The following PKNOX2 variants were observed in gnomAD, a reference collection of about 807,000 sequenced individuals.
The protein encoded by PKNOX2 is homeobox protein PKNOX2.
A neutral mutation model predicts 53.1 loss-of-function variants in PKNOX2; 14 were observed. The ratio of observed to expected loss-of-function variants is 0.26; its 90% CI spans 0.17 to 0.41. PKNOX2 has a LOEUF of 0.41. Among genes scored for constraint, PKNOX2 ranks in the 10% least tolerant of loss-of-function variants. The pLI, the probability that PKNOX2 is intolerant of heterozygous loss-of-function variation, is 1.00. For synonymous variants in PKNOX2, 257 were observed against 242.8 expected, an observed-to-expected ratio of 1.06 and a Z score of -0.54; for missense variants, 496 against 602.8, an observed-to-expected ratio of 0.82 and a Z score of 1.85.
At chr11:125,294,467 G>A (rs1423529721) in intron 2 of PKNOX2, among the ~76,000 whole-genome samples, 1 of 152,208 alleles carries the variant, frequency 6.6e-6, no homozygotes, top group Non-Finnish European at 1.5e-5. Flanking sequence ...CGGGCTTGGA[G>A]GAGAAAGGAG....
At chr11:125,212,930 A>G (rs1318080929) in intron 1 of PKNOX2, among the ~76,000 whole-genome samples, 1 of 151,808 alleles carries the variant, frequency 6.6e-6, no homozygotes, top group African/African-American at 2.4e-5. Context: ...TTCCATGTCT[A>G]CCCCATATGT....
At chr11:125,242,681 T>TGTGTGA (rs1304037373) in intron 2 of PKNOX2, among the ~76,000 whole-genome samples, 1 of 152,096 alleles carries the variant, frequency 6.6e-6, no homozygotes, top group African/African-American at 2.4e-5. Flanking sequence ...GGGCGGGTTG[T>TGTGTGA]GTGTGAGTGT....
chr11:125,350,692 A>G (rs1951251496), intron 3 of PKNOX2, among the ~76,000 whole-genome samples: 1 of 151,900 alleles, frequency 6.6e-6, no homozygotes. Context: ...CCAGGCAGCC[A>G]CCCTGGGGCT....
rs554931359 is a variant in PKNOX2 at position 125,426,636 on chromosome 11, TC to T, written c.937-2375del. On this transcript the variant is annotated intron_variant, in intron 10 of 12. Transcript: ENST00000298282. ...TGGTCAGCACGGCCACTAGCTCTGC[TC>T]AAGAAACAAGTCTGCGTCTCCTTAT... Among the ~76,000 whole-genome samples, 93 of 144,388 alleles carry T rather than the reference TC, an allele frequency of 6.4e-4. 3 individuals carry two copies. The highest frequency in any genetic ancestry group is 2.1e-3 in the African/African-American group (86 of 40,736). The allele number at this position is 144,388 out of a possible 152,430, so 94.7% of individuals were successfully genotyped here.
At chr11:125,405,711 C>G (rs1021141046) in intron 7 of PKNOX2, among the ~76,000 whole-genome samples, 3 of 152,182 alleles carry the variant, frequency 2.0e-5, no homozygotes, top group African/African-American at 7.2e-5. Flanking sequence ...AGTTCTCTGC[C>G]ATTCCAAACC....
intron 3 of PKNOX2, among the ~76,000 whole-genome samples, chr11:125,349,105 G>T (rs1175019608): frequency 6.6e-6 from 1 of 152,202 alleles, no homozygotes. Context: ...TGTTTAATAG[G>T]CCCCTGAAAC....
intron 3 of PKNOX2, among the ~76,000 whole-genome samples, chr11:125,340,678 C>A (rs1268893876): frequency 6.6e-6 from 1 of 152,168 alleles, no homozygotes; most frequent in Non-Finnish European, 1.5e-5. Flanking sequence ...CAGAAACTAA[C>A]CAACTTATTC....
At chr11:125,326,070 C>T (rs1413373382) in intron 2 of PKNOX2, among the ~76,000 whole-genome samples, 1 of 152,156 alleles carries the variant, frequency 6.6e-6, no homozygotes, top group African/African-American at 2.4e-5. Flanking sequence ...TCCATGATCT[C>T]CATGGGTACA....
In PKNOX2 at chr11:125,431,706, G is replaced by T; in HGVS notation, c.*314G>T. The stretch of plus-strand genomic sequence containing the variant: ...TCCCTGAGGATAGATGGCACCCATG[G>T]CCCCCACCCACGGAAGGACTTGAGT... On this transcript the variant is annotated 3_prime_UTR_variant, in exon 13 of 13. Coordinates refer to ENST00000298282, the MANE Select transcript of PKNOX2 (RefSeq NM_001382323.2). 2.7e-6 allele frequency: 1 copy of T among 365,322 alleles called. No individual in the cohort carries two copies. Among genetic ancestry groups the T allele is most frequent in the East Asian group, 5.1e-5 (1 of 19,760 alleles). 22.6% of individuals were successfully genotyped at this position (365,322 alleles called of 1,614,324 possible).
chr11:125,389,900 A>C (rs1370000548), intron 6 of PKNOX2, among the ~76,000 whole-genome samples: 1 of 152,168 alleles, frequency 6.6e-6, no homozygotes, highest in Non-Finnish European at 1.5e-5. Flanking sequence ...CAGCTCTAAA[A>C]TAGGGACCCC....
chr11:125,287,564 G>C (rs1049608176), intron 2 of PKNOX2, among the ~76,000 whole-genome samples: 2 of 152,162 alleles, frequency 1.3e-5, no homozygotes, highest in African/African-American at 4.8e-5. Flanking sequence ...AGCTGGGGCA[G>C]TCACTCCCTC....
chr11:125,265,100 A>T (rs576908543), intron 2 of PKNOX2, among the ~76,000 whole-genome samples: 1 of 152,274 alleles, frequency 6.6e-6, no homozygotes, highest in East Asian at 1.9e-4. Context: ...CATCCTGGCT[A>T]ACACGGTGAA....
In PKNOX2 at chr11:125,351,404, G is replaced by A. The variant is rs1453660863; in HGVS notation, c.87+12G>A. 1.2e-5 allele frequency: 19 copies of A among 1,567,854 alleles called. No homozygotes were observed. Among genetic ancestry groups the A allele is most frequent in the Non-Finnish European group, 1.5e-5 (17 of 1,141,782 alleles). On this transcript the variant is annotated intron_variant, in intron 4 of 12. Transcript: ENST00000298282. ...AGGACAGCCCACAGGTGAGTGCGCA[G>A]GGGCCGCTGCCTCCCACCACGGGGG... is the stretch of plus-strand genomic sequence containing the variant.
chr11:125,341,417 A>G (rs1950680668), intron 3 of PKNOX2, among the ~76,000 whole-genome samples: 1 of 152,160 alleles, frequency 6.6e-6, no homozygotes, highest in South Asian at 2.1e-4. Context: ...AACTATAACC[A>G]TGTATATATA....
Position 125,411,132 on chromosome 11 carries a change from C to G in PKNOX2, c.816+256C>G, listed in dbSNP as rs915351344. 4 of 434,122 alleles carry G rather than the reference C, an allele frequency of 9.2e-6. No individual in the cohort carries two copies. The South Asian group carries it at 1.1e-4, about 11-fold the overall frequency. 26.9% of individuals were successfully genotyped at this position (434,122 alleles called of 1,614,324 possible). On this transcript the variant is annotated intron_variant, in intron 9 of 12. Coordinates refer to ENST00000298282, the MANE Select transcript of PKNOX2 (RefSeq NM_001382323.2). ...CTATTCCTGTCTGCAGACTGAGCCG[C>G]TGTGTCCCTCAGTGGTAGAGAGTGC...
intron 2 of PKNOX2, among the ~76,000 whole-genome samples, chr11:125,323,009 A>G (rs1591527636): frequency 6.6e-6 from 1 of 152,328 alleles, no homozygotes; most frequent in African/African-American, 2.4e-5. Flanking sequence ...AGGCAGAGCA[A>G]GGAGTCCCCT....
chr11:125,390,015 G>A (rs1284271916), intron 6 of PKNOX2, among the ~76,000 whole-genome samples: 2 of 152,132 alleles, frequency 1.3e-5, no homozygotes, highest in Non-Finnish European at 2.9e-5. Flanking sequence ...GAGGCCTCAG[G>A]CCAGCGGCAT....
At chr11:125,426,972 C>G (rs762191425) in intron 10 of PKNOX2, among the ~76,000 whole-genome samples, 1 of 152,232 alleles carries the variant, frequency 6.6e-6, no homozygotes, top group Admixed American at 6.5e-5. Context: ...GGAGGAAGCG[C>G]GCTCCAGAGG....
chr11:125,285,076 G>A (rs1308531573), intron 2 of PKNOX2, among the ~76,000 whole-genome samples: 1 of 152,086 alleles, frequency 6.6e-6, no homozygotes, highest in Non-Finnish European at 1.5e-5. Flanking sequence ...CTTTCTGTGG[G>A]CCACTGGGCA....
Sources: allele counts gnomAD v4.1 joint callset (sites outside exome capture counted in the v4.1 genomes callset), GRCh38; gene constraint gnomAD v4.1.1; transcripts MANE v1.5; gene names NCBI Gene and HGNC (gene_info 2026-07-23, HGNC 2026-07-21).